AURKA: variants seen among roughly 807,000 people sequenced by gnomAD.
The protein encoded by AURKA is aurora kinase A.
Under a neutral mutation model 40.9 loss-of-function variants are expected in AURKA, and 12 were observed. That is an observed-to-expected ratio of 0.29 (90% CI 0.19 to 0.48). The LOEUF is 0.48. Among genes scored for constraint, AURKA ranks in the 20% least tolerant of loss-of-function variants. AURKA has a pLI of 0.99. For synonymous variants in AURKA, 170 were observed against 164.3 expected, an observed-to-expected ratio of 1.03 and a Z score of -0.26; for missense variants, 322 against 462.1, an observed-to-expected ratio of 0.70 and a Z score of 2.78.
chr20:56,380,262 G>A (rs1295849989), intron 6 of AURKA, among the ~76,000 whole-genome samples: 1 of 150,120 alleles, frequency 6.7e-6, no homozygotes, highest in African/African-American at 2.4e-5. Context: ...GGCTGAGGCA[G>A]AAGAATCGCT....
rs371457734 is a variant in AURKA, at chr20:56,371,259, G to A, written c.855-600C>T. On this transcript the variant is annotated intron_variant, in intron 7 of 8. Transcript: ENST00000395915. ...AGGCGGATCACGAGGTCAGGAGATC[G>A]AGACCATCCTGGCTAACATGGTGAA... 3.7e-4 allele frequency among the ~76,000 whole-genome samples: 57 copies of A among 152,168 alleles called. No individual in the cohort carries two copies. In the South Asian group the frequency reaches 0.01, roughly 28 times the overall value.
chr20:56,389,988 G>C (rs1986862144), intron 1 of AURKA, among the ~76,000 whole-genome samples: 1 of 152,010 alleles, frequency 6.6e-6, no homozygotes, highest in Non-Finnish European at 1.5e-5. Flanking sequence ...CCCTGTCATG[G>C]TCCATTCTTA....
Position 56,386,458 on chromosome 20 carries a change from T to C in AURKA, c.118A>G (p.Asn40Asp). 1 of 1,614,210 alleles carries C rather than the reference T, an allele frequency of 6.2e-7. No homozygotes were observed. Among genetic ancestry groups the C allele is most frequent in the Non-Finnish European group, 8.5e-7 (1 of 1,180,034 alleles). Reference sequence around the variant, plus strand: ...AAGACCCGCTGAGCCTGGCCACTATTTACAGGTAATGGATTCTGACAAGGA... The same window carrying C: ...AAGACCCGCTGAGCCTGGCCACTATCTACAGGTAATGGATTCTGACAAGGA... ...QFPCQNPLPVNSGQAQRVLCP... is the reference protein window; with the variant it reads ...QFPCQNPLPVDSGQAQRVLCP... The change falls in exon 3 of 9, where the codon AAT becomes GAT. Residue 40 changes from asparagine (N) to aspartate (D), a missense_variant. Physicochemically the swap from Asn to Asp is conservative, Grantham distance 23. Transcript: ENST00000395915.
intron 3 of AURKA, among the ~76,000 whole-genome samples, chr20:56,386,051 A>G (rs971641712): frequency 6.6e-6 from 1 of 152,240 alleles, no homozygotes; most frequent in Non-Finnish European, 1.5e-5. Context: ...AACTCTTCCA[A>G]GAGGGTGAGA....
chr20:56,377,761 T>C (rs899175217), intron 6 of AURKA, among the ~76,000 whole-genome samples: 23 of 151,828 alleles, frequency 1.5e-4, no homozygotes, highest in Admixed American at 7.2e-4. Flanking sequence ...CACTCTAGCC[T>C]GGTGACAGAG....
At chr20:56,388,134 G>C (rs1447522085) in intron 2 of AURKA, 22 bp downstream of exon 2, 6 of 1,613,506 alleles carry the variant, frequency 3.7e-6, no homozygotes, top group Non-Finnish European at 5.1e-6. Context: ...ATGTGAATGA[G>C]ATTACAGATT....
At chr20:56,384,392 G>C (rs2146196573) in intron 3 of AURKA, 68 bp from the exon 4 acceptor site, 8 of 1,214,138 alleles carry the variant, frequency 6.6e-6, no homozygotes, top group Non-Finnish European at 9.6e-6. Context: ...TGTGAATAGA[G>C]GTGAATCAAA....
chr20:56,379,907 G>A (rs1985458933), intron 6 of AURKA, among the ~76,000 whole-genome samples: 1 of 150,760 alleles, frequency 6.6e-6, no homozygotes, highest in African/African-American at 2.4e-5. Flanking sequence ...AGGCTGCAGT[G>A]AGCCAAGATT....
Position 56,375,437 on chromosome 20 carries a change from G to A in AURKA, c.706-1881C>T, listed in dbSNP as rs557740972. ...TGAGATTACAAGCGTGAGCTACCAT[G>A]CCTGGCCCAGAATTTATTTTAACAT... is the stretch of plus-strand genomic sequence containing the variant. On this transcript the variant is annotated intron_variant, in intron 6 of 8. Transcript: ENST00000395915. Among the ~76,000 whole-genome samples the A allele has an allele frequency of 8.5e-4, 128 of 150,274 alleles. 1 individual carries two copies. Among genetic ancestry groups the A allele is most frequent in the African/African-American group, 3.1e-3 (125 of 40,806 alleles).
chr20:56,371,985 T>C (rs899582671), intron 7 of AURKA, among the ~76,000 whole-genome samples: 12 of 152,354 alleles, frequency 7.9e-5, no homozygotes, highest in African/African-American at 2.9e-4. Flanking sequence ...CTGCTGAACG[T>C]AGGCACTGTA....
intron 6 of AURKA, among the ~76,000 whole-genome samples, chr20:56,377,935 A>G (rs1333489129): frequency 2.0e-5 from 3 of 152,208 alleles, no homozygotes; most frequent in Non-Finnish European, 4.4e-5. Context: ...ATATTTTGGG[A>G]GGCATGAATT....
At chr20:56,381,364 A>G in intron 6 of AURKA, 69 bp downstream of exon 6, 1 of 1,585,144 alleles carries the variant, frequency 6.3e-7, no homozygotes, top group East Asian at 2.2e-5. Context: ...ACTATGATGA[A>G]AGGTACATTG....
chr20:56,372,553 A>C (rs905154194), intron 7 of AURKA, among the ~76,000 whole-genome samples: 1 of 151,014 alleles, frequency 6.6e-6, no homozygotes, highest in African/African-American at 2.4e-5. Context: ...AAAAAAAAAA[A>C]AGACTGCAAT....
At chr20:56,387,649 G>A (rs1021510801) in intron 2 of AURKA, among the ~76,000 whole-genome samples, 2 of 152,214 alleles carry the variant, frequency 1.3e-5, no homozygotes, top group African/African-American at 4.8e-5. Context: ...AACGGTATGA[G>A]TGCTCTACAA....
At chr20:56,387,368 G>A (rs140153763) in intron 2 of AURKA, among the ~76,000 whole-genome samples, 37 of 152,262 alleles carry the variant, frequency 2.4e-4, no homozygotes, top group Admixed American at 7.8e-4. Flanking sequence ...TGGCCAGGCC[G>A]GTCTTGAACT....
Position 56,369,456 on chromosome 20 carries a change from A to C in AURKA, c.*702T>G, listed in dbSNP as rs1983798831. The C allele has an allele frequency of 4.2e-6, 1 of 235,784 alleles. No homozygotes were observed. The highest frequency in any genetic ancestry group is 8.4e-6 in the Non-Finnish European group (1 of 119,588). The allele number at this position is 235,784 out of a possible 1,614,324, so 14.6% of individuals were successfully genotyped here. On this transcript the variant is annotated 3_prime_UTR_variant, in exon 9 of 9. Coordinates refer to ENST00000395915, the MANE Select transcript of AURKA (RefSeq NM_198437.3). The stretch of plus-strand genomic sequence containing the variant: ...CATGCTATGACTCCAATGTTTTAAA[A>C]AAATAAGCCCTTAACAGCTCTGAGA...
intron 4 of AURKA, among the ~76,000 whole-genome samples, chr20:56,383,587 T>G (rs941726237): frequency 6.6e-6 from 1 of 152,100 alleles, no homozygotes; most frequent in African/African-American, 2.4e-5. Flanking sequence ...GTCCCAGAGG[T>G]GCTAATTCTC....
At chr20:56,370,902 T>C (rs1984074492) in intron 7 of AURKA, among the ~76,000 whole-genome samples, 1 of 152,202 alleles carries the variant, frequency 6.6e-6, no homozygotes, top group Non-Finnish European at 1.5e-5. Context: ...CTGAATAATC[T>C]AGAATGTAAG....
chr20:56,383,494 A>G (rs551730968), intron 4 of AURKA, among the ~76,000 whole-genome samples: 6 of 152,316 alleles, frequency 3.9e-5, no homozygotes, highest in African/African-American at 1.4e-4. Flanking sequence ...GAAGACCACA[A>G]AAAGGATAAG....
Sources: allele counts gnomAD v4.1 joint callset (sites outside exome capture counted in the v4.1 genomes callset), GRCh38; gene constraint gnomAD v4.1.1; transcripts MANE v1.5; gene names NCBI Gene and HGNC (gene_info 2026-07-23, HGNC 2026-07-21).